PPARGC1A: variants seen among roughly 807,000 people sequenced by gnomAD.
The protein encoded by PPARGC1A is PPARG coactivator 1 alpha.
In PPARGC1A, 25 loss-of-function variants were observed where a neutral mutation model predicts 88.7. The observed-to-expected ratio is 0.28, with a 90% CI of 0.21 to 0.39. The LOEUF (loss-of-function observed/expected upper bound fraction) is 0.39, where lower values mean the gene tolerates loss of function less well. Ranked by LOEUF, PPARGC1A falls within the 10% of genes least tolerant of loss-of-function variation. PPARGC1A has a pLI of 1.00. For synonymous variants in PPARGC1A, 363 were observed against 355.6 expected (o/e 1.02, Z -0.24); for missense variants, 880 against 968.7 (o/e 0.91, Z 1.22).
the PPARGC1A span, among the ~76,000 whole-genome samples, chr4:23,998,405 G>T: frequency 2.6e-3 from 398 of 151,508 alleles, 1 homozygote; most frequent in African/African-American, 9.1e-3. Flanking sequence ...AGAAAAGTAT[G>T]TATCATATAA....
chr4:24,297,113 C>T, the PPARGC1A span, among the ~76,000 whole-genome samples: 37,232 of 152,006 alleles, frequency 0.24, 5,209 homozygotes, highest in South Asian at 0.33. Flanking sequence ...GATTCACACT[C>T]GAAGCTAGTG....
chr4:24,361,931 T>C, the PPARGC1A span, among the ~76,000 whole-genome samples: 1 of 152,144 alleles, frequency 6.6e-6, no homozygotes, highest in Non-Finnish European at 1.5e-5. Context: ...TACAAATCCA[T>C]TGTCTGAAAG....
At chr4:24,222,968 A>G in the PPARGC1A span, among the ~76,000 whole-genome samples, 1 of 152,190 alleles carries the variant, frequency 6.6e-6, no homozygotes. Context: ...AAAACTAAGC[A>G]AAAAATTATA....
chr4:23,969,004 C>T, the PPARGC1A span, among the ~76,000 whole-genome samples: 2,267 of 152,256 alleles, frequency 0.015, 56 homozygotes, highest in African/African-American at 0.05. Context: ...AGGGCTTTCA[C>T]CAGAGAGAGT....
the PPARGC1A span, among the ~76,000 whole-genome samples, chr4:24,264,142 T>TATGTGATCA: frequency 2.3e-4 from 35 of 152,340 alleles, no homozygotes; most frequent in African/African-American, 8.4e-4. Flanking sequence ...ATTGACTGTT[T>TATGTGATCA]ATGTGATCAA....
the PPARGC1A span, among the ~76,000 whole-genome samples, chr4:24,393,727 G>A: frequency 2.0e-5 from 3 of 152,172 alleles, no homozygotes; most frequent in African/African-American, 7.2e-5. Flanking sequence ...TTCTTGCCAC[G>A]TCCTTGTGTC....
the PPARGC1A span, among the ~76,000 whole-genome samples, chr4:24,064,909 T>C: frequency 1.3e-5 from 2 of 152,038 alleles, no homozygotes; most frequent in Non-Finnish European, 2.9e-5. Context: ...GTTCAAAAAA[T>C]AAGGAAATAT....
chr4:24,080,081 C>T, the PPARGC1A span, among the ~76,000 whole-genome samples: 2 of 151,986 alleles, frequency 1.3e-5, no homozygotes, highest in Non-Finnish European at 1.5e-5. Context: ...TTCCAGAAAA[C>T]TACAGAAGCA....
the PPARGC1A span, among the ~76,000 whole-genome samples, chr4:24,124,008 G>A: frequency 1.1e-4 from 16 of 152,072 alleles, 1 homozygote; most frequent in Admixed American, 3.9e-4. Context: ...GTGACAGGAC[G>A]GGGAGAGATG....
chr4:24,377,103 A>G, the PPARGC1A span, among the ~76,000 whole-genome samples: 1 of 152,234 alleles, frequency 6.6e-6, no homozygotes, highest in East Asian at 1.9e-4. Context: ...TCACGTGAAA[A>G]AAAAATCTAG....
intron 10 of PPARGC1A, among the ~76,000 whole-genome samples, chr4:23,808,144 G>A (rs1396653667): frequency 1.3e-5 from 2 of 151,744 alleles, no homozygotes; most frequent in Admixed American, 6.6e-5. Context: ...CCAGCTACTC[G>A]GGAGGCTGAG....
At chr4:24,241,369 C>T in the PPARGC1A span, among the ~76,000 whole-genome samples, 3 of 152,230 alleles carry the variant, frequency 2.0e-5, no homozygotes, top group Non-Finnish European at 4.4e-5. Context: ...GACTTGAACT[C>T]AGCTGGAAGA....
chr4:23,928,172 C>T, the PPARGC1A span, among the ~76,000 whole-genome samples: 16 of 152,146 alleles, frequency 1.1e-4, no homozygotes, highest in Admixed American at 1.3e-4. Flanking sequence ...TCTGGTGCTT[C>T]GTTCGTTCAA....
the PPARGC1A span, among the ~76,000 whole-genome samples, chr4:24,394,363 A>G: frequency 6.6e-6 from 1 of 152,348 alleles, no homozygotes; most frequent in Admixed American, 6.5e-5. Context: ...GAGAAGGCAG[A>G]AAGCAGATTT....
At chr4:24,072,733 T>C in the PPARGC1A span, among the ~76,000 whole-genome samples, 1 of 152,318 alleles carries the variant, frequency 6.6e-6, no homozygotes, top group South Asian at 2.1e-4. Flanking sequence ...AAACATTTCC[T>C]CAAACTGAAA....
At chr4:24,120,496 G>T in the PPARGC1A span, among the ~76,000 whole-genome samples, 1 of 152,132 alleles carries the variant, frequency 6.6e-6, no homozygotes, top group Admixed American at 6.5e-5. Context: ...GATAAACATT[G>T]TTCCCATTTT....
At chr4:23,935,765 A>C in the PPARGC1A span, among the ~76,000 whole-genome samples, 1 of 152,234 alleles carries the variant, frequency 6.6e-6, no homozygotes, top group Non-Finnish European at 1.5e-5. Context: ...AGTAAGTTGC[A>C]AAATCAGGAA....
At chr4:24,443,110 C>T in the PPARGC1A span, among the ~76,000 whole-genome samples, 1 of 152,106 alleles carries the variant, frequency 6.6e-6, no homozygotes, top group Non-Finnish European at 1.5e-5. Context: ...AATTGGTTAA[C>T]CTCATGAAGT....
intron 1 of PPARGC1A, among the ~76,000 whole-genome samples, chr4:23,887,347 G>T (rs554865531): frequency 7.9e-5 from 12 of 152,306 alleles, no homozygotes; most frequent in Admixed American, 5.2e-4. Flanking sequence ...GGTAGCAAGT[G>T]TTCCTGTTAT....
Sources: gnomAD v4.1 joint callset for allele counts (sites outside exome capture counted in the v4.1 genomes callset) on GRCh38, gnomAD v4.1.1 for gene constraint, MANE v1.5 for transcripts, NCBI Gene and HGNC (gene_info 2026-07-23, HGNC 2026-07-21) for gene names.